Variants in PPP2R2B observed in about 807,000 individuals in gnomAD.
PPP2R2B encodes the protein protein phosphatase 2 regulatory subunit Bbeta.
In PPP2R2B, 5 loss-of-function variants were observed where a neutral mutation model predicts 46.0. That is an observed-to-expected ratio of 0.11 (90% confidence interval 0.06 to 0.23). PPP2R2B has a LOEUF of 0.23. PPP2R2B is among the 10% of genes least tolerant of loss of function. PPP2R2B has a pLI of 1.00. For synonymous variants in PPP2R2B, 215 were observed against 206.7 expected (o/e 1.04, Z -0.34); for missense variants, 367 against 575.0 (o/e 0.64, Z 3.70).
At chr5:146,869,239 A>ATT in intron 2 of PPP2R2B, among the ~76,000 whole-genome samples, 1 of 152,260 alleles carries the variant, frequency 6.6e-6, no homozygotes, top group South Asian at 2.1e-4. Context: ...CAGATTTCTG[A>ATT]TTTTTTCTTG....
chr5:146,911,437 T>C (rs1000932955), intron 1 of PPP2R2B, among the ~76,000 whole-genome samples: 1 of 152,182 alleles, frequency 6.6e-6, no homozygotes, highest in Non-Finnish European at 1.5e-5. Flanking sequence ...TTTCTGATTA[T>C]TGGATTACTT....
intron 1 of PPP2R2B, among the ~76,000 whole-genome samples, chr5:146,932,787 T>C (rs952334324): frequency 6.6e-6 from 1 of 152,128 alleles, no homozygotes; most frequent in Non-Finnish European, 1.5e-5. Context: ...CCATTTGTGA[T>C]CATGATAAAC....
chr5:146,732,767 A>G (rs1752309240), intron 2 of PPP2R2B, among the ~76,000 whole-genome samples: 1 of 152,230 alleles, frequency 6.6e-6, no homozygotes, highest in Non-Finnish European at 1.5e-5. Flanking sequence ...TCAAGTGCTC[A>G]GCTACAAACT....
At chr5:147,067,221 A>ATACCTTGTTATTGACTACAGT (rs2151909605) in intron 2 of PPP2R2B, among the ~76,000 whole-genome samples, 2 of 152,286 alleles carry the variant, frequency 1.3e-5, no homozygotes, top group South Asian at 4.1e-4. Context: ...CCAGTATACA[A>ATACCTTGTTATTGACTACAGT]TACCTTGTTA....
intron 2 of PPP2R2B, among the ~76,000 whole-genome samples, chr5:146,857,391 G>A (rs1760737043): frequency 6.6e-6 from 1 of 151,674 alleles, no homozygotes. Context: ...TAGAACAAAA[G>A]GTTCATAATT....
chr5:146,595,460 T>C (rs1771083562), intron 8 of PPP2R2B, among the ~76,000 whole-genome samples: 1 of 152,238 alleles, frequency 6.6e-6, no homozygotes, highest in African/African-American at 2.4e-5. Context: ...CATGTGTGCT[T>C]TGGAAGTCAC....
intron 2 of PPP2R2B, among the ~76,000 whole-genome samples, chr5:146,826,386 C>T (rs1758578596): frequency 6.6e-6 from 1 of 152,062 alleles, no homozygotes; most frequent in African/African-American, 2.4e-5. Flanking sequence ...TGAAGTAGAA[C>T]CTTAGAGAGC....
chr5:146,944,828 T>C (rs1764429482), intron 1 of PPP2R2B, among the ~76,000 whole-genome samples: 1 of 151,994 alleles, frequency 6.6e-6, no homozygotes, highest in Non-Finnish European at 1.5e-5. Context: ...ATCTAGATAA[T>C]AGGGAAGAAG....
At chr5:146,963,445 T>C (rs1315567953) in intron 1 of PPP2R2B, among the ~76,000 whole-genome samples, 1 of 152,178 alleles carries the variant, frequency 6.6e-6, no homozygotes, top group African/African-American at 2.4e-5. Flanking sequence ...CACCACTCAC[T>C]GGCTCCTACC....
intron 1 of PPP2R2B, among the ~76,000 whole-genome samples, chr5:146,941,971 C>A (rs1358361066): frequency 6.6e-6 from 1 of 152,160 alleles, no homozygotes; most frequent in African/African-American, 2.4e-5. Context: ...TGCTGCCAAT[C>A]TTGGCATTCT....
At chr5:146,725,302 T>C (rs1015750639) in intron 2 of PPP2R2B, among the ~76,000 whole-genome samples, 1 of 152,170 alleles carries the variant, frequency 6.6e-6, no homozygotes, top group Admixed American at 6.5e-5. Flanking sequence ...TTGATTTCCT[T>C]TGCAGTGATA....
At chr5:147,063,456 T>G (rs1399167770) in intron 2 of PPP2R2B, among the ~76,000 whole-genome samples, 1 of 152,222 alleles carries the variant, frequency 6.6e-6, no homozygotes, top group East Asian at 1.9e-4. Flanking sequence ...TAGCTCTCAT[T>G]TGGAAATAGT....
At chr5:146,957,221 T>C (rs1448292282) in intron 1 of PPP2R2B, among the ~76,000 whole-genome samples, 1 of 152,216 alleles carries the variant, frequency 6.6e-6, no homozygotes, top group Non-Finnish European at 1.5e-5. Context: ...GTGAGTCTTA[T>C]TTAAAAATGC....
intron 1 of PPP2R2B, among the ~76,000 whole-genome samples, chr5:146,938,747 T>C (rs1311507169): frequency 7.1e-6 from 1 of 141,368 alleles, no homozygotes; most frequent in African/African-American, 2.6e-5. Context: ...GGTTAGATAA[T>C]AGCCTTTTTT....
chr5:146,999,459 C>A (rs1754067427), intron 1 of PPP2R2B, among the ~76,000 whole-genome samples: 6 of 152,120 alleles, frequency 3.9e-5, no homozygotes, highest in Admixed American at 3.9e-4. Context: ...ATACTCAAGG[C>A]CTATCCCCAG....
intron 1 of PPP2R2B, among the ~76,000 whole-genome samples, chr5:146,980,239 A>T (rs1350069063): frequency 6.6e-6 from 1 of 152,158 alleles, no homozygotes; most frequent in Admixed American, 6.5e-5. Flanking sequence ...TCCCAACTAG[A>T]TGTTGGGCAT....
intron 2 of PPP2R2B, among the ~76,000 whole-genome samples, chr5:146,718,434 G>A (rs531376982): frequency 3.6e-4 from 55 of 151,968 alleles, no homozygotes; most frequent in Non-Finnish European, 5.4e-4. Context: ...AATATTTGTA[G>A]CCTGATCATT....
intron 2 of PPP2R2B, 37 bp downstream of exon 2, chr5:146,877,965 C>T (rs967692066): frequency 3.8e-6 from 6 of 1,599,948 alleles, no homozygotes; most frequent in Non-Finnish European, 5.1e-6. Flanking sequence ...AACTTGCGCC[C>T]GGCCCCAACG....
chr5:146,723,816 T>C (rs1473876695), intron 2 of PPP2R2B, among the ~76,000 whole-genome samples: 2 of 152,062 alleles, frequency 1.3e-5, no homozygotes. Flanking sequence ...TTATTTCTCT[T>C]CCTCCCACCT....
Sources: allele counts gnomAD v4.1 joint callset (sites outside exome capture counted in the v4.1 genomes callset), GRCh38; gene constraint gnomAD v4.1.1; transcripts MANE v1.5; gene names NCBI Gene and HGNC (gene_info 2026-07-23, HGNC 2026-07-21).